The following KMT2D variants were observed in gnomAD, a reference collection of about 807,000 sequenced individuals.
KMT2D encodes lysine methyltransferase 2D.
In KMT2D, 55 loss-of-function variants were observed where a neutral mutation model predicts 512.7. The observed-to-expected ratio is 0.11, with a 90% CI of 0.09 to 0.13. KMT2D has a LOEUF of 0.13. Among genes scored for constraint, KMT2D ranks in the 10% least tolerant of loss-of-function variants. KMT2D has a pLI of 1.00. For missense variants in KMT2D, 6,061 were observed against 7,127.9 expected (o/e 0.85, Z 5.39); for synonymous variants, 2,995 against 2,904.0 (o/e 1.03, Z -1.01).
At position 49,042,676 on chromosome 12, in the gene KMT2D, C is replaced by A. The variant is rs1315976748; in HGVS notation, c.5783-31G>T. ...AGACGGACAGGATCAGAGAAAAGAG[C>A]AACTGGCCCATCCTGGAGGCAAGCT... On this transcript the variant is annotated intron_variant, in intron 27 of 54. Transcript: ENST00000301067. The surrounding 1 kb of genome is among the most constrained non-coding windows in gnomAD (Gnocchi z 4.4). The A allele has an allele frequency of 6.2e-7, 1 of 1,610,000 alleles. No homozygotes were observed. The highest frequency in any genetic ancestry group is 2.2e-5 in the East Asian group (1 of 44,814).
In KMT2D at chr12:49,032,110, C is replaced by T. The variant is rs1209563787; in HGVS notation, c.12595G>A (p.Ala4199Thr). 2 of 1,613,846 alleles carry T rather than the reference C, an allele frequency of 1.2e-6. No individual in the cohort carries two copies. The highest frequency in any genetic ancestry group is 1.7e-6 in the Non-Finnish European group (2 of 1,179,836). The change falls in exon 40 of 55, where the codon GCA becomes ACA. Residue 4199 changes from alanine to threonine, a missense_variant. By Grantham distance (58) the Ala-to-Thr change is moderately conservative. This residue lies in a region of KMT2D where 1,600 missense variants were observed against 1,754.9 expected (regional missense o/e 0.91). Transcript: ENST00000301067. ...TTGGCCAGGACTCCTTGGAGCTGTG[C>T]TCGAAGCTGACCCACCGTAGGCATG... Reference protein sequence around the residue: ...GIMPTVGQLRAQLQGVLAKNP... With the variant: ...GIMPTVGQLRTQLQGVLAKNP...
rs576477610 is a variant in KMT2D at position 49,046,908 on chromosome 12, C to T, written c.4237-118G>A. 3.9e-5 allele frequency: 34 copies of T among 863,958 alleles called. No homozygotes were observed. Among genetic ancestry groups the T allele is most frequent in the South Asian group, 2.4e-4 (13 of 55,046 alleles). 53.5% of individuals were successfully genotyped at this position (863,958 alleles called of 1,614,324 possible). A position where few individuals can be genotyped will look rare whatever the true frequency, so the allele number is the denominator to read the frequency against. ...TTCCCCAGGCTGGAGTGCAATGGCG[C>T]GATCTCGGCTCACTGCAACCTCTGC... On this transcript the variant is annotated intron_variant, in intron 15 of 54. Coordinates refer to ENST00000301067, the MANE Select transcript of KMT2D (RefSeq NM_003482.4). This position sits in a 1 kb window ranked among gnomAD's most constrained non-coding sequence, Gnocchi z 4.2.
intron 46 of KMT2D, 78 bp from the exon 47 acceptor site, chr12:49,028,219 G>C: frequency 6.4e-7 from 1 of 1,573,916 alleles, no homozygotes; most frequent in Non-Finnish European, 8.7e-7. Flanking sequence ...GCTGGGTGGG[G>C]ACAAGGACAC....
In KMT2D at chr12:49,037,991, A is replaced by G. The variant is rs1592130490; in HGVS notation, c.9365T>C (p.Val3122Ala). ...ASVLPEVKPKVEEGGRHPSPC... is the reference protein window; with the variant it reads ...ASVLPEVKPKAEEGGRHPSPC... ...AGAAGGGTGGCGTCCACCCTCCTCC[A>G]CCTTGGGCTTCACCTCAGGGAGCAC... Residue 3122 changes from valine (V) to alanine (A), a missense_variant, in exon 35 of 55, where the codon GTG (valine) becomes GCG (alanine). Val to Ala is a moderately conservative substitution (Grantham distance 64, BLOSUM62 0). Transcript: ENST00000301067. The G allele has an allele frequency of 1.2e-6, 2 of 1,603,408 alleles. No homozygotes were observed. Among genetic ancestry groups the G allele is most frequent in the Non-Finnish European group, 1.7e-6 (2 of 1,175,296 alleles).
chr12:49,055,242 ATC>A, intron 2 of KMT2D, 32 bp downstream of exon 2: 3 of 1,612,238 alleles, frequency 1.9e-6, no homozygotes, highest in Non-Finnish European at 2.5e-6. Context: ...TGCCAATGAA[ATC>A]TAAAAGCAAA....
At position 49,019,291 on chromosome 12, in the gene KMT2D, G is replaced by C. The variant is rs944469173; in HGVS notation, c.*2489C>G. On this transcript the variant is annotated 3_prime_UTR_variant, in exon 55 of 55. Coordinates refer to ENST00000301067, the MANE Select transcript of KMT2D (RefSeq NM_003482.4). ...AAGGGGGAGGGTCCTGGAGGTGAGG[G>C]GAGAAGACTGTAAAGGGGAAAACTG... 2.1e-6 allele frequency: 1 copy of C among 467,794 alleles called. No homozygotes were observed. Among genetic ancestry groups the C allele is most frequent in the Admixed American group, 6.2e-5 (1 of 16,102 alleles). The allele number at this position is 467,794 out of a possible 1,614,324, so 29.0% of individuals were successfully genotyped here.
rs771966959 is a variant in KMT2D, at chr12:49,039,590, G to T, written c.8074C>A (p.Arg2692=). Residue 2692 remains arginine (R), a synonymous_variant, in exon 33 of 55, where the codon CGG becomes AGG. Transcript: ENST00000301067. The surrounding 1 kb of genome is among the most constrained non-coding windows in gnomAD (Gnocchi z 5.0). The part of the protein sequence containing the change: ...QRQRLRELLI[R]QQIQRNTLRQ... ...AGGGTGTTGCGCTGGATCTGCTGCC[G>T]AATCAGCAGCTCTCGTAGTCGCTGG... 1.5e-5 allele frequency: 24 copies of T among 1,610,312 alleles called. No homozygotes were observed. Among genetic ancestry groups the T allele is most frequent in the Non-Finnish European group, 1.8e-5 (21 of 1,179,524 alleles).
At position 49,051,131 on chromosome 12, in the gene KMT2D, A is replaced by G; in HGVS notation, c.2552T>C (p.Leu851Pro). 1.3e-6 allele frequency: 2 copies of G among 1,521,500 alleles called. No homozygotes were observed. Among genetic ancestry groups the G allele is most frequent in the Non-Finnish European group, 8.8e-7 (1 of 1,135,748 alleles). 94.2% of individuals were successfully genotyped at this position (1,521,500 alleles called of 1,614,324 possible). The change falls in exon 11 of 55, where the codon CTG becomes CCG. Residue 851 changes from leucine to proline, a missense_variant. Leu to Pro is a moderately conservative substitution (Grantham distance 98). This residue lies in a region of KMT2D where 848 missense variants were observed against 838.5 expected (regional missense o/e 1.01). Coordinates refer to ENST00000301067, the MANE Select transcript of KMT2D (RefSeq NM_003482.4). ...CLSPRPEESH[L>P]SPELEKPPLS... The stretch of plus-strand genomic sequence containing the variant: ...GGGTGGCTTCTCAAGCTCAGGGGAC[A>G]GATGCGATTCCTCAGGCCGGGGGGA...
At chr12:49,034,011 A>C in intron 39 of KMT2D, 47 bp from the exon 40 acceptor site, 1 of 1,568,444 alleles carries the variant, frequency 6.4e-7, no homozygotes, top group African/African-American at 1.4e-5. Context: ...TGCTCCCCCC[A>C]TGCCAACCCT....
In KMT2D at chr12:49,033,807, C is replaced by G. The variant is rs2120447238; in HGVS notation, c.10898G>C (p.Gly3633Ala). 1.9e-6 allele frequency: 3 copies of G among 1,595,174 alleles called. No individual in the cohort carries two copies. The highest frequency in any genetic ancestry group is 2.6e-6 in the Non-Finnish European group (3 of 1,171,000). ...QSPRLLTKLP[G>A]QLLPGHGLQP... is the part of the protein sequence containing the mutation. ...CAGCCCATGGCCAGGGAGCAGCTGA[C>G]CAGGGAGCTTGGTGAGCAGCCGGGG... Residue 3633 changes from glycine to alanine, a missense_variant, in exon 40 of 55, where the codon GGT becomes GCT. Transcript: ENST00000301067.
chr12:49,042,438 C>T lies in KMT2D; in HGVS notation c.5868-108G>A. 1 of 1,510,850 alleles carries T rather than the reference C, an allele frequency of 6.6e-7. No homozygotes were observed. Among genetic ancestry groups the T allele is most frequent in the African/African-American group, 1.4e-5 (1 of 72,296 alleles). The allele number at this position is 1,510,850 out of a possible 1,614,324, so 93.6% of individuals were successfully genotyped here. ...GCCCTGCCCCAAAAGAGGAGGGTCA[C>T]TAACAAGGGAATGGGGAGGAGCAGG... is the stretch of plus-strand genomic sequence containing the variant. On this transcript the variant is annotated intron_variant, in intron 28 of 54. Transcript: ENST00000301067. This position sits in a 1 kb window ranked among gnomAD's most constrained non-coding sequence, Gnocchi z 4.4.
At chr12:49,045,643 C>CAAAA (rs559720363) in intron 19 of KMT2D, among the ~76,000 whole-genome samples, 2 of 70,122 alleles carry the variant, frequency 2.9e-5, no homozygotes, top group African/African-American at 4.7e-5. Context: ...GACTCCATCT[C>CAAAA]AAAAAAAAAA....
Position 49,037,507 on chromosome 12 carries a change from ATGCTGCTGCTGCTGT to A in KMT2D, c.9834_9848del (p.Gln3278_Gln3282del), listed in dbSNP as rs1555190270. 8 of 1,557,314 alleles carry A rather than the reference ATGCTGCTGCTGCTGT, an allele frequency of 5.1e-6. No individual in the cohort carries two copies. Among genetic ancestry groups the A allele is most frequent in the East Asian group, 2.4e-5 (1 of 41,274 alleles). Reference sequence around the variant, plus strand: ...CAGGGCCTGGTGCAGACAGTAGGGAATGCTGCTGCTGCTGTTGCTGCTGCTGCTGGGCAGGCTGCA... The same window carrying A: ...CAGGGCCTGGTGCAGACAGTAGGGAATGCTGCTGCTGCTGGGCAGGCTGCA... On this transcript the variant is annotated inframe_deletion, in exon 35 of 55. Transcript: ENST00000301067.
Position 49,053,981 on chromosome 12 carries a change from G to C in KMT2D, c.670C>G (p.Leu224Val), listed in dbSNP as rs2120702796. The C allele has an allele frequency of 6.2e-7, 1 of 1,613,310 alleles. No individual in the cohort carries two copies. The highest frequency in any genetic ancestry group is 1.1e-5 in the South Asian group (1 of 91,000). Residue 224 changes from leucine to valine, a missense_variant, in exon 6 of 55, where the codon CTG becomes GTG. This residue lies in a region of KMT2D where 160 missense variants were observed against 225.8 expected (regional missense o/e 0.71). Transcript: ENST00000301067. Reference sequence around the variant, plus strand: ...ACCAAAGATCAGGACTTCTCACCCAGATATGCAGCCCCCTCACTGTGCTCT... The same window carrying C: ...ACCAAAGATCAGGACTTCTCACCCACATATGCAGCCCCCTCACTGTGCTCT... ...CPEHSEGAAY[L>V]EEARCAVCEG...
Position 49,031,439 on chromosome 12 carries a change from C to A in KMT2D, c.13266G>T (p.Glu4422Asp). ...CTGACTGGGCTCCCAGGGCACATGG[C>A]TCTTCCCGAGGTTCCTGCTTGATGC... ...QLSIKQEPRE[E>D]PCALGAQSVK... The change falls in exon 40 of 55, where the codon GAG becomes GAT. Residue 4422 changes from glutamate to aspartate, a missense_variant. Transcript: ENST00000301067. 3.1e-6 allele frequency: 5 copies of A among 1,613,722 alleles called. No individual in the cohort carries two copies. Among genetic ancestry groups the A allele is most frequent in the Non-Finnish European group, 4.2e-6 (5 of 1,179,862 alleles).
At chr12:49,048,920 A>C (rs1937729400) in intron 13 of KMT2D, among the ~76,000 whole-genome samples, 151 bp from the exon 14 acceptor site, 1 of 152,208 alleles carries the variant, frequency 6.6e-6, no homozygotes, top group Admixed American at 6.5e-5. Context: ...CCAGCTCCCA[A>C]ATTGAGCCTC....
rs1438444701 is a variant in KMT2D at position 49,022,426 on chromosome 12, A to G, written c.16339-73T>C. ...GGCAGTGGTGGCTGTGGGATCAGGT[A>G]GGAGACTCAGGCAGTGGGGGCTTTT... is the stretch of plus-strand genomic sequence containing the variant. On this transcript the variant is annotated intron_variant, in intron 52 of 54. Transcript: ENST00000301067. The surrounding 1 kb of genome is among the most constrained non-coding windows in gnomAD (Gnocchi z 8.6). 2.0e-6 allele frequency: 3 copies of G among 1,520,190 alleles called. No individual in the cohort carries two copies. In the South Asian group the frequency reaches 3.4e-5, roughly 17 times the overall value. 94.2% of individuals were successfully genotyped at this position (1,520,190 alleles called of 1,614,324 possible). A position where few individuals can be genotyped will look rare whatever the true frequency, so the allele number is the denominator to read the frequency against.
At position 49,049,952 on chromosome 12, in the gene KMT2D, G is replaced by A. The variant is rs781650959; in HGVS notation, c.3636C>T (p.Ser1212=). Residue 1212 remains serine (S), a synonymous_variant, in exon 12 of 55, where the codon AGC becomes AGT. Coordinates refer to ENST00000301067, the MANE Select transcript of KMT2D (RefSeq NM_003482.4). ...GAAAACTGGCACTGGCATCACCCTG[G>A]CTCAGATTAGAGATCTCGTTAACGA... ...SDIVNEISNL[S]QGDASASFPG... 2 of 1,613,954 alleles carry A rather than the reference G, an allele frequency of 1.2e-6. No homozygotes were observed. Among genetic ancestry groups the A allele is most frequent in the African/African-American group, 1.3e-5 (1 of 75,042 alleles).
chr12:49,045,436 G>T (rs1943737845), intron 19 of KMT2D, among the ~76,000 whole-genome samples: 1 of 152,150 alleles, frequency 6.6e-6, no homozygotes, highest in African/African-American at 2.4e-5. Flanking sequence ...GAGGTCCGGA[G>T]ATCGAGACCA....
Sources: allele counts gnomAD v4.1 joint callset (sites outside exome capture counted in the v4.1 genomes callset), GRCh38; gene constraint gnomAD v4.1.1; regional missense constraint gnomAD v4.1.1; non-coding constraint Gnocchi (gnomAD v3.1); transcripts MANE v1.5; gene names NCBI Gene and HGNC (gene_info 2026-07-23, HGNC 2026-07-21).